Variants in SMURF1 observed in about 807,000 individuals in gnomAD.
The protein encoded by SMURF1 is E3 ubiquitin-protein ligase SMURF1.
SMURF1 carries 44 observed loss-of-function variants against 98.0 expected under a neutral mutation model. That is an observed-to-expected ratio of 0.45 (90% CI 0.35 to 0.58). SMURF1 has a LOEUF of 0.58. Among genes scored for constraint, SMURF1 ranks in the 20% least tolerant of loss-of-function variants. The pLI is 0.00. For missense variants in SMURF1, 687 were observed against 938.4 expected (o/e 0.73, Z 3.50); for synonymous variants, 396 against 374.9 (o/e 1.06, Z -0.65).
chr7:99,082,668 G>GT (rs1796597775), intron 1 of SMURF1, among the ~76,000 whole-genome samples: 2 of 152,178 alleles, frequency 1.3e-5, no homozygotes, highest in African/African-American at 2.4e-5. Context: ...CTTTGTTGTT[G>GT]TTTTTTCAGG....
In SMURF1 at chr7:99,057,411, T is replaced by C; in HGVS notation, c.337+7A>G. The C allele has an allele frequency of 1.2e-6, 2 of 1,612,442 alleles. No homozygotes were observed. Among genetic ancestry groups the C allele is most frequent in the Non-Finnish European group, 1.7e-6 (2 of 1,179,672 alleles). The stretch of plus-strand genomic sequence containing the variant: ...CATTAAGAGGCAGGAAAGTGTTTGG[T>C]TCTTACATCCGGTATCTTTTAATCT... On this transcript the variant is annotated splice_region_variant and intron_variant, in intron 4 of 17. Coordinates refer to ENST00000361368, the MANE Select transcript of SMURF1 (RefSeq NM_181349.3).
chr7:99,055,918 A>C (rs1795865772), intron 5 of SMURF1, among the ~76,000 whole-genome samples: 1 of 152,142 alleles, frequency 6.6e-6, no homozygotes, highest in Non-Finnish European at 1.5e-5. Flanking sequence ...GTGAGCTAAG[A>C]TCATGCCACT....
chr7:99,066,502 C>T (rs1796195627), intron 1 of SMURF1, among the ~76,000 whole-genome samples: 1 of 152,158 alleles, frequency 6.6e-6, no homozygotes, highest in Non-Finnish European at 1.5e-5. Context: ...TTTGGCCAGA[C>T]ACAATGGCTC....
intron 1 of SMURF1, among the ~76,000 whole-genome samples, chr7:99,083,223 T>A (rs1204512914): frequency 6.6e-6 from 1 of 152,170 alleles, no homozygotes; most frequent in Non-Finnish European, 1.5e-5. Context: ...ATGTGAGTTA[T>A]CTCAATAAAA....
At chr7:99,100,770 A>G (rs1479879748) in intron 1 of SMURF1, among the ~76,000 whole-genome samples, 3 of 152,228 alleles carry the variant, frequency 2.0e-5, no homozygotes, top group African/African-American at 4.8e-5. Context: ...GAGACTTAAA[A>G]CAGAAGACTA....
chr7:99,101,563 A>G (rs1207673260), intron 1 of SMURF1, among the ~76,000 whole-genome samples: 1 of 152,224 alleles, frequency 6.6e-6, no homozygotes, highest in Non-Finnish European at 1.5e-5. Context: ...TTATTGCCCA[A>G]TGTGTAATCA....
intron 1 of SMURF1, among the ~76,000 whole-genome samples, chr7:99,062,151 G>T (rs1233231448): frequency 2.0e-5 from 3 of 149,710 alleles, no homozygotes; most frequent in Non-Finnish European, 4.5e-5. Flanking sequence ...CTGGAGTGCA[G>T]GGGCATGATC....
Position 99,030,521 on chromosome 7 carries a change from A to G in SMURF1, c.*63T>C. The G allele has an allele frequency of 7.2e-7, 1 of 1,383,276 alleles. No individual in the cohort carries two copies. Among genetic ancestry groups the G allele is most frequent in the Non-Finnish European group, 1.0e-6 (1 of 973,632 alleles). The allele number at this position is 1,383,276 out of a possible 1,614,324, so 85.7% of individuals were successfully genotyped here. On this transcript the variant is annotated 3_prime_UTR_variant, in exon 18 of 18. Coordinates refer to ENST00000361368, the MANE Select transcript of SMURF1 (RefSeq NM_181349.3). ...CCTCTGCCAGCTTTGCAGGAGGTGC[A>G]CAGAAGCTGGATGCTTTTGGTCTGG...
chr7:99,078,038 C>T (rs1796502427), intron 1 of SMURF1, among the ~76,000 whole-genome samples: 1 of 152,104 alleles, frequency 6.6e-6, no homozygotes, highest in South Asian at 2.1e-4. Flanking sequence ...GTCACTCACT[C>T]CTATAATCCC....
At chr7:99,139,913 G>A (rs1418547940) in intron 1 of SMURF1, among the ~76,000 whole-genome samples, 1 of 152,134 alleles carries the variant, frequency 6.6e-6, no homozygotes, top group African/African-American at 2.4e-5. Flanking sequence ...AGTCATAAAT[G>A]TAATCAATAC....
chr7:99,040,607 G>A (rs749478175), intron 12 of SMURF1, 51 bp from the exon 13 acceptor site: 1 of 1,362,784 alleles, frequency 7.3e-7, no homozygotes, highest in Non-Finnish European at 9.5e-7. Context: ...GCCGGCCAAT[G>A]TGGGAATCTC....
At chr7:99,093,683 T>TTC (rs1306139108) in intron 1 of SMURF1, among the ~76,000 whole-genome samples, 1 of 152,134 alleles carries the variant, frequency 6.6e-6, no homozygotes, top group African/African-American at 2.4e-5. Context: ...TATAAAGAGT[T>TTC]TCTCTTTAAG....
intron 12 of SMURF1, 38 bp downstream of exon 12, chr7:99,042,080 C>T (rs775958322): frequency 6.6e-7 from 1 of 1,515,282 alleles, no homozygotes; most frequent in Non-Finnish European, 9.2e-7. Flanking sequence ...AAAACTTCTC[C>T]AACTCAATTC....
At chr7:99,122,769 T>TTA (rs1554449699) in intron 1 of SMURF1, among the ~76,000 whole-genome samples, 1 of 129,076 alleles carries the variant, frequency 7.7e-6, no homozygotes, top group Non-Finnish European at 1.6e-5. Context: ...TTTTTTTTTT[T>TTA]ACATAATTAA....
At chr7:99,100,235 G>A (rs982857491) in intron 1 of SMURF1, among the ~76,000 whole-genome samples, 2 of 152,038 alleles carry the variant, frequency 1.3e-5, no homozygotes, top group Admixed American at 6.5e-5. Context: ...AAGTAAGAAC[G>A]CATCCAGCAG....
At chr7:99,059,994 A>C (rs1339986006) in intron 3 of SMURF1, among the ~76,000 whole-genome samples, 1 of 152,222 alleles carries the variant, frequency 6.6e-6, no homozygotes, top group Non-Finnish European at 1.5e-5. Flanking sequence ...TGGAGTTCAC[A>C]AACTATGGCC....
chr7:99,054,955 A>G lies in SMURF1; in HGVS notation c.404-90T>C, dbSNP rs1795845308. ...GTCATTGCTAATTTAGAATTTATGT[A>G]CAATATCATAAAAAACGAGGCATAT... On this transcript the variant is annotated intron_variant, in intron 5 of 17. Transcript: ENST00000361368. 4.2e-6 allele frequency: 5 copies of G among 1,192,528 alleles called. No homozygotes were observed. The South Asian group carries it at 6.1e-5, about 15-fold the overall frequency. 73.9% of individuals were successfully genotyped at this position (1,192,528 alleles called of 1,614,324 possible).
intron 1 of SMURF1, among the ~76,000 whole-genome samples, chr7:99,136,549 CCTG>C (rs1405084266): frequency 6.6e-6 from 1 of 152,100 alleles, no homozygotes; most frequent in African/African-American, 2.4e-5. Flanking sequence ...AATTTTGTTT[CCTG>C]CTTTCTGATG....
intron 1 of SMURF1, among the ~76,000 whole-genome samples, chr7:99,084,821 T>C (rs1016432954): frequency 2.0e-5 from 3 of 152,176 alleles, no homozygotes; most frequent in Non-Finnish European, 4.4e-5. Context: ...GCAAATCTCA[T>C]GTCAAATTGT....
Sources: allele counts gnomAD v4.1 joint callset (sites outside exome capture counted in the v4.1 genomes callset), GRCh38; gene constraint gnomAD v4.1.1; transcripts MANE v1.5; gene names NCBI Gene and HGNC (gene_info 2026-07-23, HGNC 2026-07-21).